Variants in NAP1L1 observed in about 807,000 individuals in gnomAD.
The protein encoded by NAP1L1 is nucleosome assembly protein 1-like 1.
In NAP1L1, 9 loss-of-function variants were observed where a neutral mutation model predicts 58.9. The observed-to-expected ratio is 0.15, with a 90% CI of 0.09 to 0.27. The LOEUF (loss-of-function observed/expected upper bound fraction) is 0.27, where lower values mean the gene tolerates loss of function less well. NAP1L1 is among the 10% of genes least tolerant of loss of function. The pLI, the probability that NAP1L1 is intolerant of heterozygous loss-of-function variation, is 1.00. For missense variants in NAP1L1, 302 were observed against 458.8 expected (o/e 0.66, Z 3.12); for synonymous variants, 130 against 138.3 (o/e 0.94, Z 0.42).
At chr12:76,080,580 T>C (rs939725537) in intron 1 of NAP1L1, among the ~76,000 whole-genome samples, 4 of 152,176 alleles carry the variant, frequency 2.6e-5, no homozygotes, top group African/African-American at 7.2e-5. Context: ...TAATGATGCA[T>C]TTCCCCCAGA....
At chr12:76,068,713 G>A (rs1339503879) in intron 3 of NAP1L1, 196 bp downstream of exon 3, 3 of 450,176 alleles carry the variant, frequency 6.7e-6, no homozygotes, top group Non-Finnish European at 1.2e-5. Flanking sequence ...TTGAGTTGCT[G>A]TATCTATACC....
At chr12:76,084,241 C>G (rs886296399) in intron 1 of NAP1L1, 5 of 152,388 alleles carry the variant, frequency 3.3e-5, no homozygotes, top group African/African-American at 1.2e-4. Flanking sequence ...AGTCTCAGGG[C>G]ACCCGGGCGT....
At chr12:76,054,949 T>G in intron 8 of NAP1L1, 70 bp downstream of exon 8, 2 of 1,165,482 alleles carry the variant, frequency 1.7e-6, no homozygotes. Flanking sequence ...GAATGTTATC[T>G]TTTTAAAAGC....
intron 5 of NAP1L1, 128 bp from the exon 6 acceptor site, chr12:76,060,006 A>G: frequency 8.6e-7 from 1 of 1,168,030 alleles, no homozygotes; most frequent in Non-Finnish European, 1.2e-6. Flanking sequence ...TATTATTGAT[A>G]GTTCCTCCAA....
At chr12:76,076,297 T>C (rs1950165603) in intron 1 of NAP1L1, among the ~76,000 whole-genome samples, 5 of 152,150 alleles carry the variant, frequency 3.3e-5, no homozygotes, top group Admixed American at 3.3e-4. Flanking sequence ...TCTGTAATTA[T>C]AAATTAGTTT....
rs928122594 is a variant in NAP1L1, at chr12:76,039,192, G to A, written c.*9237C>T. 1.3e-5 allele frequency: 2 copies of A among 152,120 alleles called. No individual in the cohort carries two copies. Among genetic ancestry groups the A allele is most frequent in the African/African-American group, 4.8e-5 (2 of 41,414 alleles). 9.4% of individuals were successfully genotyped at this position (152,120 alleles called of 1,614,324 possible). On this transcript the variant is annotated 3_prime_UTR_variant, in exon 15 of 15. Transcript: ENST00000618691. ...TAACCTCCCTTGGCATTCACACCCA[G>A]CTCTATTTTATTTACTATCCTACTT...
intron 11 of NAP1L1, 135 bp downstream of exon 11, chr12:76,052,956 T>A (rs939006590): frequency 1.5e-6 from 1 of 659,850 alleles, no homozygotes; most frequent in Non-Finnish European, 2.5e-6. Context: ...ATTTTTCATA[T>A]CCAAAAAGTC....
At chr12:76,054,739 A>G (rs774368391) in intron 8 of NAP1L1, among the ~76,000 whole-genome samples, 1 of 152,188 alleles carries the variant, frequency 6.6e-6, no homozygotes, top group Non-Finnish European at 1.5e-5. Flanking sequence ...TGTAATTCCC[A>G]AGCTCATGCC....
chr12:76,060,128 A>G lies in NAP1L1; in HGVS notation c.348+10T>C. The stretch of plus-strand genomic sequence containing the variant: ...AATGTTAAATTAAACAAAGTAGGAG[A>G]AAGCATTACCTTATCAAATAGAGGC... On this transcript the variant is annotated intron_variant, in intron 5 of 14. Transcript: ENST00000618691. The G allele has an allele frequency of 6.2e-7, 1 of 1,602,976 alleles. No homozygotes were observed.
At chr12:76,066,834 G>A (rs1474417875) in intron 4 of NAP1L1, among the ~76,000 whole-genome samples, 10 of 152,158 alleles carry the variant, frequency 6.6e-5, no homozygotes, top group African/African-American at 2.4e-4. Context: ...TACAGGACAT[G>A]TACAAAGATG....
chr12:76,055,196 T>C (rs1592626096), intron 7 of NAP1L1, 106 bp from the exon 8 acceptor site: 1 of 700,966 alleles, frequency 1.4e-6, no homozygotes, highest in East Asian at 2.9e-5. Flanking sequence ...TTCAAAGTAG[T>C]TTTGTATAGC....
chr12:76,048,366 A>T lies in NAP1L1; in HGVS notation c.*63T>A, dbSNP rs1425558585. 6.4e-7 allele frequency: 1 copy of T among 1,563,322 alleles called. No homozygotes were observed. The highest frequency in any genetic ancestry group is 8.8e-7 in the Non-Finnish European group (1 of 1,140,914). ...AATACAAAAACATAAGGCTGTAAGT[A>T]AATAAGAGTTGTGTTTAGGCTATTA... On this transcript the variant is annotated 3_prime_UTR_variant, in exon 15 of 15. Transcript: ENST00000618691.
chr12:76,040,125 A>G lies in NAP1L1; in HGVS notation c.*8304T>C, dbSNP rs1948539612. 1 of 152,196 alleles carries G rather than the reference A, an allele frequency of 6.6e-6. No homozygotes were observed. The highest frequency in any genetic ancestry group is 2.1e-4 in the South Asian group (1 of 4,828). The allele number at this position is 152,196 out of a possible 1,614,324, so 9.4% of individuals were successfully genotyped here. On this transcript the variant is annotated 3_prime_UTR_variant, in exon 15 of 15. Transcript: ENST00000618691. ...AGTAAAAGATTCCAAAATGATGGGG[A>G]AAAGCATATGTTTTTCTCCCTGAAC...
At position 76,051,002 on chromosome 12, in the gene NAP1L1, G is replaced by GAAAA. The variant is rs57970257; in HGVS notation, c.937-353_937-350dup. Among the ~76,000 whole-genome samples, 33 of 83,746 alleles carry GAAAA rather than the reference G, an allele frequency of 3.9e-4. 1 individual carries two copies. Among genetic ancestry groups the GAAAA allele is most frequent in the South Asian group, 1.1e-3 (3 of 2,660 alleles). The allele number at this position is 83,746 out of a possible 152,430, so 54.9% of individuals were successfully genotyped here. A position where few individuals can be genotyped will look rare whatever the true frequency, so the allele number is the denominator to read the frequency against. On this transcript the variant is annotated intron_variant, in intron 11 of 14. Transcript: ENST00000618691. The stretch of plus-strand genomic sequence containing the variant: ...CCAGTGTACTCTAGCCTGGGCAACC[G>GAAAA]AAAAAAAAAAAAAAAAAAGACAGAC...
chr12:76,062,153 G>A (rs912556663), intron 4 of NAP1L1, among the ~76,000 whole-genome samples: 6 of 152,208 alleles, frequency 3.9e-5, no homozygotes, highest in African/African-American at 1.4e-4. Context: ...AGAGCCCAAT[G>A]CGAGGGTTGA....
At chr12:76,075,759 TTC>T (rs1242500692) in intron 1 of NAP1L1, among the ~76,000 whole-genome samples, 7 of 152,208 alleles carry the variant, frequency 4.6e-5, no homozygotes, top group African/African-American at 1.7e-4. Context: ...CATCAATAAC[TTC>T]TTTTTAATAC....
intron 4 of NAP1L1, among the ~76,000 whole-genome samples, chr12:76,065,362 C>A (rs1239117862): frequency 6.6e-6 from 1 of 151,646 alleles, no homozygotes; most frequent in Admixed American, 6.6e-5. Flanking sequence ...ATGTTTAACA[C>A]AGTAGTGAAA....
intron 14 of NAP1L1, 38 bp downstream of exon 14, chr12:76,049,162 T>C (rs1948708505): frequency 6.4e-7 from 1 of 1,564,946 alleles, no homozygotes; most frequent in East Asian, 2.2e-5. Flanking sequence ...ACTTTAGCTA[T>C]CTTAAATTTA....
rs933519003 is a variant in NAP1L1 at position 76,041,344 on chromosome 12, A to G, written c.*7085T>C. 1 of 152,218 alleles carries G rather than the reference A, an allele frequency of 6.6e-6. No homozygotes were observed. Among genetic ancestry groups the G allele is most frequent in the African/African-American group, 2.4e-5 (1 of 41,458 alleles). 9.4% of individuals were successfully genotyped at this position (152,218 alleles called of 1,614,324 possible). A position where few individuals can be genotyped will look rare whatever the true frequency, so the allele number is the denominator to read the frequency against. On this transcript the variant is annotated 3_prime_UTR_variant, in exon 15 of 15. Coordinates refer to ENST00000618691, the MANE Select transcript of NAP1L1 (RefSeq NM_004537.7). ...TCTAGAGTATTTTGAACTGGTTCAA[A>G]ACCAGTTCAGATTTATAGAACCAAA...
Sources: allele counts gnomAD v4.1 joint callset (sites outside exome capture counted in the v4.1 genomes callset), GRCh38; gene constraint gnomAD v4.1.1; transcripts MANE v1.5; gene names NCBI Gene and HGNC (gene_info 2026-07-23, HGNC 2026-07-21).